The following ZBTB38 variants were observed in gnomAD, a reference collection of about 807,000 sequenced individuals.
ZBTB38 encodes the protein zinc finger and BTB domain-containing protein 38.
A neutral mutation model predicts 76.8 loss-of-function variants in ZBTB38; 20 were observed. The ratio of observed to expected loss-of-function variants is 0.26; its 90% CI spans 0.18 to 0.38. The LOEUF (loss-of-function observed/expected upper bound fraction) is 0.38. Ranked by LOEUF, ZBTB38 falls within the 10% of genes least tolerant of loss-of-function variation. The pLI is 1.00. For missense variants in ZBTB38, 1,082 were observed against 1,482.3 expected (o/e 0.73, Z 4.43); for synonymous variants, 504 against 544.2 (o/e 0.93, Z 1.03).
intron 5 of ZBTB38, among the ~76,000 whole-genome samples, chr3:141,430,377 T>G (rs1341528568): frequency 6.6e-6 from 1 of 152,102 alleles, no homozygotes; most frequent in Non-Finnish European, 1.5e-5. Context: ...TCATTTGTAG[T>G]TTTTAAAGAT....
intron 1 of ZBTB38, among the ~76,000 whole-genome samples, chr3:141,360,742 G>A (rs949814607): frequency 4.6e-5 from 7 of 152,000 alleles, no homozygotes; most frequent in African/African-American, 1.5e-4. Context: ...GGGGTCGGGG[G>A]GCTGTCCTGT....
intron 5 of ZBTB38, among the ~76,000 whole-genome samples, chr3:141,430,986 C>A (rs543815804): frequency 6.6e-6 from 1 of 152,124 alleles, no homozygotes; most frequent in Admixed American, 6.5e-5. Context: ...AACTCTGGGA[C>A]ACATCATTCC....
chr3:141,369,549 AC>A (rs375761569), intron 1 of ZBTB38, among the ~76,000 whole-genome samples: 2 of 152,240 alleles, frequency 1.3e-5, no homozygotes, highest in African/African-American at 4.8e-5. Flanking sequence ...AAGTTTTGAC[AC>A]ATACATGAGA....
At chr3:141,437,909 TTTTA>T (rs1377677098) in intron 5 of ZBTB38, among the ~76,000 whole-genome samples, 1 of 152,128 alleles carries the variant, frequency 6.6e-6, no homozygotes, top group Non-Finnish European at 1.5e-5. Context: ...TTTCTTTTTC[TTTTA>T]TTTATTTATT....
Position 141,444,649 on chromosome 3 carries a change from A to G in ZBTB38, c.2261A>G (p.Lys754Arg), listed in dbSNP as rs780799648. 6.2e-7 allele frequency: 1 copy of G among 1,614,174 alleles called. No individual in the cohort carries two copies. Among genetic ancestry groups the G allele is most frequent in the South Asian group, 1.1e-5 (1 of 91,082 alleles). ...FSDPAVSQSL[K>R]DDSKPEPDKV... ...GACCCAGCTGTCAGTCAGTCCCTGA[A>G]AGATGACAGTAAGCCCGAGCCAGAT... The change falls in exon 6 of 6, where the codon AAA becomes AGA. Residue 754 changes from lysine (K) to arginine (R), a missense_variant. By Grantham distance (26) the Lys-to-Arg change is conservative. This residue lies in a region of ZBTB38 where 471 missense variants were observed against 581.0 expected (regional missense o/e 0.81). Coordinates refer to ENST00000321464, the MANE Select transcript of ZBTB38 (RefSeq NM_001376113.1). The surrounding 1 kb of genome is among the most constrained non-coding windows in gnomAD (Gnocchi z 5.1).
chr3:141,383,746 AC>A (rs1175029661), intron 3 of ZBTB38: 1 of 152,108 alleles, frequency 6.6e-6, no homozygotes, highest in African/African-American at 2.4e-5. Context: ...CTCACCCCTC[AC>A]GTCTAGCTCC....
At chr3:141,330,540 G>C (rs1190119716) in intron 1 of ZBTB38, among the ~76,000 whole-genome samples, 2 of 152,164 alleles carry the variant, frequency 1.3e-5, no homozygotes, top group African/African-American at 4.8e-5. Context: ...AGGATGAGAG[G>C]GTGTTCAGGC....
At position 141,442,174 on chromosome 3, in the gene ZBTB38, TAAC is replaced by T. The variant is rs2080428234; in HGVS notation, c.1-211_1-209del. Among the ~76,000 whole-genome samples the T allele has an allele frequency of 2.0e-5, 3 of 152,070 alleles. No homozygotes were observed. Among genetic ancestry groups the T allele is most frequent in the Admixed American group, 2.0e-4 (3 of 15,272 alleles). ...GGAGTTCTGGGAGGATTTCCAATGA[TAAC>T]AACTATTAGCAATGGTATGAGAAAC... On this transcript the variant is annotated intron_variant, in intron 5 of 5. Coordinates refer to ENST00000321464, the MANE Select transcript of ZBTB38 (RefSeq NM_001376113.1). The surrounding 1 kb of genome is among the most constrained non-coding windows in gnomAD (Gnocchi z 6.4).
chr3:141,425,503 G>T (rs892662845), intron 5 of ZBTB38, among the ~76,000 whole-genome samples: 8 of 152,230 alleles, frequency 5.3e-5, no homozygotes, highest in African/African-American at 1.9e-4. Context: ...GTCCCATATA[G>T]CATCTTTGTA....
intron 1 of ZBTB38, among the ~76,000 whole-genome samples, chr3:141,354,914 C>T (rs943791477): frequency 6.6e-6 from 1 of 152,012 alleles, no homozygotes; most frequent in Non-Finnish European, 1.5e-5. Flanking sequence ...AATTCCAGGC[C>T]TCTTTCTCAC....
intron 1 of ZBTB38, among the ~76,000 whole-genome samples, chr3:141,357,223 A>G (rs1413130869): frequency 1.3e-5 from 2 of 152,048 alleles, no homozygotes; most frequent in Non-Finnish European, 2.9e-5. Flanking sequence ...TACTTTTTCT[A>G]TGACTTACTT....
intron 1 of ZBTB38, among the ~76,000 whole-genome samples, chr3:141,325,787 C>G (rs892880966): frequency 1.3e-5 from 2 of 152,164 alleles, no homozygotes; most frequent in Non-Finnish European, 2.9e-5. Context: ...AACAAACACT[C>G]TTGATAATTT....
intron 1 of ZBTB38, among the ~76,000 whole-genome samples, chr3:141,328,092 A>G (rs1942728480): frequency 1.3e-5 from 2 of 152,210 alleles, no homozygotes; most frequent in Non-Finnish European, 2.9e-5. Context: ...CATTTTACAT[A>G]ATATATTCAT....
At chr3:141,371,456 G>A (rs1182784832) in intron 2 of ZBTB38, among the ~76,000 whole-genome samples, 1 of 151,644 alleles carries the variant, frequency 6.6e-6, no homozygotes, top group Admixed American at 6.6e-5. Context: ...AGGCTCAAGC[G>A]ATCCTCCCAA....
chr3:141,409,418 G>A (rs748562868), intron 5 of ZBTB38, among the ~76,000 whole-genome samples: 2 of 152,152 alleles, frequency 1.3e-5, no homozygotes, highest in Non-Finnish European at 2.9e-5. Flanking sequence ...ACTCTGGGCT[G>A]CCTCCCCAGC....
intron 1 of ZBTB38, among the ~76,000 whole-genome samples, chr3:141,351,357 T>G (rs1943507324): frequency 6.6e-6 from 1 of 151,512 alleles, no homozygotes; most frequent in African/African-American, 2.4e-5. Context: ...AAATGTCTGG[T>G]CCAAGTCAGC....
intron 3 of ZBTB38, among the ~76,000 whole-genome samples, chr3:141,382,820 G>A (rs1388314317): frequency 1.3e-5 from 2 of 152,174 alleles, no homozygotes; most frequent in Non-Finnish European, 2.9e-5. Context: ...GGTAGTCAGG[G>A]CTCCAAGGAG....
rs1437277082 is a variant in ZBTB38 at position 141,446,870 on chromosome 3, C to T, written c.*894C>T. On this transcript the variant is annotated 3_prime_UTR_variant, in exon 6 of 6. Coordinates refer to ENST00000321464, the MANE Select transcript of ZBTB38 (RefSeq NM_001376113.1). ...CTGTGATTACCTGTGCTGCATATTA[C>T]TTTGCAATGGCCTCATCTCAGAGAA... 2.6e-5 allele frequency: 4 copies of T among 152,648 alleles called. No individual in the cohort carries two copies. The highest frequency in any genetic ancestry group is 5.9e-5 in the Non-Finnish European group (4 of 68,060). The allele number at this position is 152,648 out of a possible 1,614,324, so 9.5% of individuals were successfully genotyped here. A position where few individuals can be genotyped will look rare whatever the true frequency, so the allele number is the denominator to read the frequency against.
chr3:141,401,503 A>C (rs1216106326), intron 4 of ZBTB38, among the ~76,000 whole-genome samples: 1 of 152,220 alleles, frequency 6.6e-6, no homozygotes, highest in Non-Finnish European at 1.5e-5. Flanking sequence ...AAGTGATCAC[A>C]TTCTTAAAAC....
Sources: allele counts gnomAD v4.1 joint callset (sites outside exome capture counted in the v4.1 genomes callset), GRCh38; gene constraint gnomAD v4.1.1; regional missense constraint gnomAD v4.1.1; non-coding constraint Gnocchi (gnomAD v3.1); transcripts MANE v1.5; gene names NCBI Gene and HGNC (gene_info 2026-07-23, HGNC 2026-07-21).